ZNF251: variants seen among roughly 807,000 people sequenced by gnomAD.
ZNF251 encodes the protein zinc finger protein 251.
A neutral mutation model predicts 13.5 loss-of-function variants in ZNF251; 14 were observed. The ratio of observed to expected loss-of-function variants is 1.04; its 90% CI spans 0.69 to 1.63. The LOEUF (loss-of-function observed/expected upper bound fraction) is 1.63. Among genes scored for constraint, ZNF251 ranks in the 40% most tolerant of loss-of-function variants. The pLI is 0.00. For missense variants in ZNF251, 764 were observed against 834.9 expected, an observed-to-expected ratio of 0.92 and a Z score of 1.05; for synonymous variants, 287 against 295.2, an observed-to-expected ratio of 0.97 and a Z score of 0.28.
chr8:144,730,752 G>A lies in ZNF251; in HGVS notation c.278-7370C>T, dbSNP rs577201961. Reference sequence around the variant, plus strand: ...GACAGGACGGAGCCTGTGGCTCTCCGGGGTGCCCATCACTAACCTCCTTCT... The same window carrying A: ...GACAGGACGGAGCCTGTGGCTCTCCAGGGTGCCCATCACTAACCTCCTTCT... On this transcript the variant is annotated intron_variant, in intron 4 of 4. Coordinates refer to ENST00000292562, the MANE Select transcript of ZNF251 (RefSeq NM_138367.2). Among the ~76,000 whole-genome samples, 12 of 152,350 alleles carry A rather than the reference G, an allele frequency of 7.9e-5. No individual in the cohort carries two copies. In the South Asian group the frequency reaches 2.1e-3, roughly 26 times the overall value.
intron 4 of ZNF251, among the ~76,000 whole-genome samples, chr8:144,752,195 C>T (rs1824731332): frequency 6.7e-6 from 1 of 150,162 alleles, no homozygotes. Flanking sequence ...ATACCATCAA[C>T]CACCTTGACT....
At chr8:144,741,877 T>C (rs1420944429) in intron 4 of ZNF251, among the ~76,000 whole-genome samples, 2 of 152,142 alleles carry the variant, frequency 1.3e-5, no homozygotes, top group Non-Finnish European at 2.9e-5. Context: ...AATGGTCACT[T>C]ATAATTGGTA....
At chr8:144,754,353 T>C (rs1332797234) in intron 2 of ZNF251, 32 bp from the exon 3 acceptor site, 47 of 1,566,618 alleles carry the variant, frequency 3.0e-5, no homozygotes, top group Non-Finnish European at 4.0e-5. Context: ...GCCCAGGCCA[T>C]GCCCACGGGG....
At chr8:144,730,212 C>T (rs1823654174) in intron 4 of ZNF251, 1 of 692,972 alleles carries the variant, frequency 1.4e-6, no homozygotes, top group Non-Finnish European at 1.8e-6. Flanking sequence ...GCCCAGAGCG[C>T]CAATCCCTGG....
intron 4 of ZNF251, among the ~76,000 whole-genome samples, chr8:144,739,986 TAAC>T (rs887303243): frequency 2.0e-5 from 3 of 151,148 alleles, no homozygotes; most frequent in Admixed American, 1.3e-4. Context: ...ACCACAAAAA[TAAC>T]AACAGAAAAA....
At position 144,755,487 on chromosome 8, in the gene ZNF251, A is replaced by G; in HGVS notation, c.-158T>C. On this transcript the variant is annotated 5_prime_UTR_variant, in exon 1 of 5. Transcript: ENST00000292562. ...CCGAGCCCGGAACGGACCCTCCCAC[A>G]GAACCGGGTCCAGAGCCGGGGAGGG... 7.8e-7 allele frequency: 1 copy of G among 1,287,146 alleles called. No homozygotes were observed. Among genetic ancestry groups the G allele is most frequent in the Middle Eastern group, 3.0e-4 (1 of 3,288 alleles). The allele number at this position is 1,287,146 out of a possible 1,614,324, so 79.7% of individuals were successfully genotyped here. A position where few individuals can be genotyped will look rare whatever the true frequency, so the allele number is the denominator to read the frequency against.
chr8:144,743,448 C>G (rs894461644), intron 4 of ZNF251, among the ~76,000 whole-genome samples: 2 of 152,184 alleles, frequency 1.3e-5, no homozygotes, highest in Non-Finnish European at 2.9e-5. Flanking sequence ...TGAGGAACGT[C>G]TCAGTTGCTT....
intron 4 of ZNF251, among the ~76,000 whole-genome samples, chr8:144,741,460 A>G (rs1824165688): frequency 6.6e-6 from 1 of 152,236 alleles, no homozygotes; most frequent in South Asian, 2.1e-4. Flanking sequence ...TCTCCACTCC[A>G]AAATTAACAA....
At chr8:144,754,401 C>T in intron 2 of ZNF251, 80 bp from the exon 3 acceptor site, 1 of 1,480,882 alleles carries the variant, frequency 6.8e-7, no homozygotes, top group Admixed American at 2.4e-5. Context: ...CCTGGTGGGG[C>T]CCCACTACCC....
chr8:144,730,204 C>A (rs1823653758), intron 4 of ZNF251: 2 of 758,234 alleles, frequency 2.6e-6, no homozygotes, highest in South Asian at 1.2e-4. Context: ...GGCGCGGGGC[C>A]CAGAGCGCCA....
chr8:144,737,121 G>A (rs1267937709), intron 4 of ZNF251, among the ~76,000 whole-genome samples: 2 of 151,606 alleles, frequency 1.3e-5, no homozygotes, highest in African/African-American at 4.8e-5. Context: ...TTTTGCTTAA[G>A]ACAGTCTTGC....
chr8:144,755,382 T>C (rs1315897724), intron 1 of ZNF251, 23 bp downstream of exon 1: 1 of 1,287,900 alleles, frequency 7.8e-7, no homozygotes, highest in South Asian at 1.2e-5. Context: ...TTGGCGCTCC[T>C]TCCTGGTCCG....
Position 144,755,474 on chromosome 8 carries a change from C to A in ZNF251, c.-145G>T. ...CTGCGCAGTCGCACCGAGCCCGGAACGGACCCTCCCACAGAACCGGGTCCA... is the reference window on the plus strand; with the variant it reads ...CTGCGCAGTCGCACCGAGCCCGGAAAGGACCCTCCCACAGAACCGGGTCCA... On this transcript the variant is annotated 5_prime_UTR_variant, in exon 1 of 5. Transcript: ENST00000292562. 1 of 1,287,470 alleles carries A rather than the reference C, an allele frequency of 7.8e-7. No homozygotes were observed. Among genetic ancestry groups the A allele is most frequent in the Non-Finnish European group, 1.0e-6 (1 of 988,716 alleles). 79.8% of individuals were successfully genotyped at this position (1,287,470 alleles called of 1,614,324 possible). A position where few individuals can be genotyped will look rare whatever the true frequency, so the allele number is the denominator to read the frequency against.
chr8:144,736,694 GTTGGTCAGGCTGGTC>G (rs969166518), intron 4 of ZNF251, among the ~76,000 whole-genome samples: 1 of 151,812 alleles, frequency 6.6e-6, no homozygotes, highest in Non-Finnish European at 1.5e-5. Context: ...GTTTCTCCAA[GTTGGTCAGGCTGGTC>G]TTGAACTCCC....
At chr8:144,731,959 T>TTTTTTTTTA (rs1823709518) in intron 4 of ZNF251, among the ~76,000 whole-genome samples, 1 of 151,740 alleles carries the variant, frequency 6.6e-6, no homozygotes, top group African/African-American at 2.4e-5. Flanking sequence ...TTTTTTTTTT[T>TTTTTTTTTA]TAAGACAGAG....
At chr8:144,731,534 A>C (rs549606039) in intron 4 of ZNF251, among the ~76,000 whole-genome samples, 46 of 152,298 alleles carry the variant, frequency 3.0e-4, no homozygotes, top group Middle Eastern at 3.4e-3. Flanking sequence ...TTAATGACAC[A>C]TATGTATTTA....
chr8:144,736,953 C>T (rs1478767019), intron 4 of ZNF251, among the ~76,000 whole-genome samples: 1 of 151,968 alleles, frequency 6.6e-6, no homozygotes, highest in Admixed American at 6.6e-5. Context: ...CAGGCGCCCA[C>T]CACCATGCCT....
At chr8:144,750,646 G>A (rs1185079547) in intron 4 of ZNF251, among the ~76,000 whole-genome samples, 1 of 152,170 alleles carries the variant, frequency 6.6e-6, no homozygotes, top group East Asian at 1.9e-4. Context: ...TAGAGCTCCT[G>A]GAGGTAAAGC....
intron 4 of ZNF251, among the ~76,000 whole-genome samples, chr8:144,726,282 C>T (rs1823515480): frequency 6.6e-6 from 1 of 151,612 alleles, no homozygotes; most frequent in African/African-American, 2.4e-5. Flanking sequence ...ATCTGTTATC[C>T]CAGCACTTTG....
Sources: gnomAD v4.1 joint callset for allele counts (sites outside exome capture counted in the v4.1 genomes callset) on GRCh38, gnomAD v4.1.1 for gene constraint, MANE v1.5 for transcripts, NCBI Gene and HGNC (gene_info 2026-07-23, HGNC 2026-07-21) for gene names.